Variants in MAP2K1 observed in about 807,000 individuals in gnomAD.
MAP2K1 encodes the protein mitogen-activated protein kinase kinase 1, also known as dual specificity mitogen-activated protein kinase kinase 1.
A neutral mutation model predicts 46.3 loss-of-function variants in MAP2K1; 16 were observed. The observed-to-expected ratio is 0.35, with a 90% CI of 0.23 to 0.52. The LOEUF is 0.52. Among genes scored for constraint, MAP2K1 ranks in the 20% least tolerant of loss-of-function variants. MAP2K1 has a pLI of 0.94. For synonymous variants in MAP2K1, 183 were observed against 185.6 expected (o/e 0.99, Z 0.11); for missense variants, 263 against 497.1 (o/e 0.53, Z 4.48).
Position 66,420,719 on chromosome 15 carries a change from A to ATGTGTG in MAP2K1, c.81-14307_81-14306insGTGTGT, listed in dbSNP as rs1555414704. 2.1e-4 allele frequency among the ~76,000 whole-genome samples: 7 copies of ATGTGTG among 32,734 alleles called. 2 individuals are homozygous for ATGTGTG. The highest frequency in any genetic ancestry group is 7.3e-4 in the African/African-American group (6 of 8,200). The allele number at this position is 32,734 out of a possible 152,430, so 21.5% of individuals were successfully genotyped here. On this transcript the variant is annotated intron_variant, in intron 1 of 10. Coordinates refer to ENST00000307102, the MANE Select transcript of MAP2K1 (RefSeq NM_002755.4). The stretch of plus-strand genomic sequence containing the variant: ...ACTTACTCTTGGCATATATATATAT[A>ATGTGTG]TATGTGTGTGTGTGTGTGTGTGTGT...
Position 66,465,584 on chromosome 15 carries a change from T to C in MAP2K1, c.569-16171T>C, listed in dbSNP as rs1161472062. Among the ~76,000 whole-genome samples the C allele has an allele frequency of 2.0e-5, 3 of 152,164 alleles. No individual in the cohort carries two copies. The South Asian group carries it at 6.2e-4, about 31-fold the overall frequency. ...TTCATTTCCGCCTTTTAGTTTTTAC[T>C]TCTTCTTTCTTTGGAGGCAGAAATT... On this transcript the variant is annotated intron_variant, in intron 5 of 10. Transcript: ENST00000307102.
chr15:66,387,146 G>A lies in MAP2K1; in HGVS notation c.-202G>A, dbSNP rs1405529179. 6.5e-6 allele frequency: 3 copies of A among 460,600 alleles called. No homozygotes were observed. The highest frequency in any genetic ancestry group is 1.2e-5 in the Non-Finnish European group (3 of 259,310). 28.5% of individuals were successfully genotyped at this position (460,600 alleles called of 1,614,324 possible). ...CTCTCTGCGCGCGAAGCCGAGTCCC[G>A]GGCGGGTGGGGCGGGGGTCCACTGA... On this transcript the variant is annotated 5_prime_UTR_variant, in exon 1 of 11. Coordinates refer to ENST00000307102, the MANE Select transcript of MAP2K1 (RefSeq NM_002755.4).
intron 5 of MAP2K1, among the ~76,000 whole-genome samples, chr15:66,479,114 G>T (rs1162621624): frequency 6.6e-6 from 1 of 150,428 alleles, no homozygotes; most frequent in African/African-American, 2.5e-5. Flanking sequence ...TTTTTTTGGA[G>T]ACAGAGGAGT....
rs1169383941 is a variant in MAP2K1 at position 66,420,906 on chromosome 15, TACAC to T, written c.81-14115_81-14112del. On this transcript the variant is annotated intron_variant, in intron 1 of 10. Coordinates refer to ENST00000307102, the MANE Select transcript of MAP2K1 (RefSeq NM_002755.4). ...ATGTGTATATATACACATACATACATACACACACATACATACATATATATACACA... is the reference window on the plus strand; with the variant it reads ...ATGTGTATATATACACATACATACATACACATACATACATATATATACACA... Among the ~76,000 whole-genome samples, 13 of 126,908 alleles carry T rather than the reference TACAC, an allele frequency of 1.0e-4. 1 individual carries two copies. The highest frequency in any genetic ancestry group is 7.2e-4 in the South Asian group (3 of 4,142). 83.3% of individuals were successfully genotyped at this position (126,908 alleles called of 152,430 possible).
intron 1 of MAP2K1, among the ~76,000 whole-genome samples, chr15:66,412,928 C>T (rs980518460): frequency 6.6e-6 from 1 of 152,040 alleles, no homozygotes; most frequent in Admixed American, 6.6e-5. Flanking sequence ...CACAGTCTCT[C>T]TCTGTCGCCC....
chr15:66,390,251 T>G (rs1423150494), intron 1 of MAP2K1, among the ~76,000 whole-genome samples: 2 of 152,174 alleles, frequency 1.3e-5, no homozygotes, highest in Non-Finnish European at 2.9e-5. Flanking sequence ...TTCATAGCAC[T>G]AATGAGAGGG....
At chr15:66,462,659 T>C (rs1291004260) in intron 5 of MAP2K1, among the ~76,000 whole-genome samples, 1 of 151,612 alleles carries the variant, frequency 6.6e-6, no homozygotes, top group Non-Finnish European at 1.5e-5. Context: ...ACAAGTGACA[T>C]ACATGATAAA....
intron 1 of MAP2K1, among the ~76,000 whole-genome samples, chr15:66,422,040 C>G (rs12440176): frequency 0.1 from 15,471 of 151,996 alleles, 980 homozygotes; most frequent in East Asian, 0.34. Context: ...AGTCATTGCC[C>G]CAGAATCACT....
chr15:66,429,402 C>T (rs534247308), intron 1 of MAP2K1, among the ~76,000 whole-genome samples: 1 of 152,300 alleles, frequency 6.6e-6, no homozygotes, highest in South Asian at 2.1e-4. Context: ...AATCACCTCC[C>T]TCTCTCAACA....
intron 10 of MAP2K1, chr15:66,490,197 C>CTAAG: frequency 1.8e-6 from 1 of 543,190 alleles, no homozygotes. Flanking sequence ...ATAATATGCA[C>CTAAG]TAAGTCCATC....
intron 1 of MAP2K1, among the ~76,000 whole-genome samples, chr15:66,402,400 T>G (rs2093384223): frequency 1.3e-5 from 2 of 152,264 alleles, no homozygotes; most frequent in Non-Finnish European, 2.9e-5. Flanking sequence ...CATTTATCCA[T>G]CTGTTGTATT....
chr15:66,486,571 TC>T (rs1893042638), intron 7 of MAP2K1, among the ~76,000 whole-genome samples: 1 of 152,236 alleles, frequency 6.6e-6, no homozygotes, highest in Non-Finnish European at 1.5e-5. Flanking sequence ...CAAGTCTGAC[TC>T]CCAAGATGAT....
intron 5 of MAP2K1, among the ~76,000 whole-genome samples, chr15:66,470,538 A>G (rs1892608021): frequency 6.6e-6 from 1 of 152,198 alleles, no homozygotes; most frequent in Non-Finnish European, 1.5e-5. Context: ...AAGCAAGTAA[A>G]ACTCAGAAAC....
intron 1 of MAP2K1, among the ~76,000 whole-genome samples, chr15:66,430,496 T>TG (rs1448468913): frequency 1.3e-5 from 2 of 152,166 alleles, no homozygotes; most frequent in South Asian, 2.1e-4. Flanking sequence ...TTTCTTTTTC[T>TG]GGATATCACC....
intron 3 of MAP2K1, among the ~76,000 whole-genome samples, chr15:66,437,977 C>T (rs1373162013): frequency 2.0e-5 from 3 of 149,134 alleles, no homozygotes; most frequent in African/African-American, 7.4e-5. Context: ...GTCTTGGCTT[C>T]CCCTCAGGGA....
At chr15:66,390,918 C>G (rs1046569161) in intron 1 of MAP2K1, among the ~76,000 whole-genome samples, 2 of 152,134 alleles carry the variant, frequency 1.3e-5, no homozygotes, top group African/African-American at 4.8e-5. Flanking sequence ...GTTCCCTTTG[C>G]CTGGAATGAA....
chr15:66,442,967 G>A (rs1264591125), intron 3 of MAP2K1, among the ~76,000 whole-genome samples: 1 of 152,136 alleles, frequency 6.6e-6, no homozygotes, highest in African/African-American at 2.4e-5. Context: ...AGGTATGGGA[G>A]TGGGGTACGA....
At chr15:66,453,639 C>CG in intron 5 of MAP2K1, 2 of 686,612 alleles carry the variant, frequency 2.9e-6, no homozygotes, top group Non-Finnish European at 5.3e-6. Context: ...GCCAGTTCTA[C>CG]CTCTGTTCTA....
chr15:66,474,744 G>A (rs944211616), intron 5 of MAP2K1, among the ~76,000 whole-genome samples: 1 of 152,010 alleles, frequency 6.6e-6, no homozygotes, highest in South Asian at 2.1e-4. Flanking sequence ...CTAGGCCTCA[G>A]TGTTTCTCAT....
Sources: gnomAD v4.1 joint callset for allele counts (sites outside exome capture counted in the v4.1 genomes callset) on GRCh38, gnomAD v4.1.1 for gene constraint, MANE v1.5 for transcripts, NCBI Gene and HGNC (gene_info 2026-07-23, HGNC 2026-07-21) for gene names.